Variants in RHOQ observed in about 807,000 individuals in gnomAD.
RHOQ encodes ras homolog family member Q.
A neutral mutation model predicts 25.8 loss-of-function variants in RHOQ; 7 were observed. The ratio of observed to expected loss-of-function variants is 0.27; its 90% CI spans 0.15 to 0.51. The LOEUF (loss-of-function observed/expected upper bound fraction) is 0.51, where lower values mean the gene tolerates loss of function less well. Ranked by LOEUF, RHOQ falls within the 20% of genes least tolerant of loss-of-function variation. RHOQ has a pLI of 0.97. For missense variants in RHOQ, 165 were observed against 260.6 expected, an observed-to-expected ratio of 0.63 and a Z score of 2.53; for synonymous variants, 97 against 98.6, an observed-to-expected ratio of 0.98 and a Z score of 0.10.
chr2:46,543,610 C>T, intron 1 of RHOQ, 144 bp from the exon 2 acceptor site: 1 of 705,462 alleles, frequency 1.4e-6, no homozygotes. Context: ...GCTGGCCGCA[C>T]GGGAAAAGGG....
At chr2:46,579,439 T>G (rs1284140450) in intron 4 of RHOQ, among the ~76,000 whole-genome samples, 1 of 152,174 alleles carries the variant, frequency 6.6e-6, no homozygotes, top group East Asian at 1.9e-4. Context: ...AATTCTCAAT[T>G]TGGTTATCCA....
At chr2:46,571,792 C>T (rs1668923288) in intron 2 of RHOQ, among the ~76,000 whole-genome samples, 1 of 152,194 alleles carries the variant, frequency 6.6e-6, no homozygotes, top group Admixed American at 6.5e-5. Context: ...CAAGGTAAAT[C>T]GTCCAATGTG....
chr2:46,581,388 G>C lies in RHOQ; in HGVS notation c.*305G>C. 1 of 1,524,598 alleles carries C rather than the reference G, an allele frequency of 6.6e-7. No homozygotes were observed. Among genetic ancestry groups the C allele is most frequent in the Non-Finnish European group, 8.8e-7 (1 of 1,132,432 alleles). 94.4% of individuals were successfully genotyped at this position (1,524,598 alleles called of 1,614,324 possible). A position where few individuals can be genotyped will look rare whatever the true frequency, so the allele number is the denominator to read the frequency against. ...ATGTTGTAACTACGTAAAAAACAGA[G>C]CTGTAAATGGAACTGCTTGGCTTTG... is the stretch of plus-strand genomic sequence containing the variant. On this transcript the variant is annotated 3_prime_UTR_variant, in exon 5 of 5. Transcript: ENST00000238738.
At chr2:46,564,418 C>T (rs1007622207) in intron 2 of RHOQ, among the ~76,000 whole-genome samples, 8 of 152,222 alleles carry the variant, frequency 5.3e-5, no homozygotes, top group African/African-American at 1.9e-4. Context: ...TCATCTCCTC[C>T]TCAGAAATTG....
At chr2:46,546,023 T>TTGGTGTTTTTCCCAG (rs1276326544) in intron 2 of RHOQ, among the ~76,000 whole-genome samples, 10 of 152,166 alleles carry the variant, frequency 6.6e-5, no homozygotes, top group Non-Finnish European at 1.5e-4. Flanking sequence ...TTAGGCCCCA[T>TTGGTGTTTTTCCCAG]TGGTGTTTTT....
chr2:46,546,910 G>A (rs919109077), intron 2 of RHOQ, among the ~76,000 whole-genome samples: 2 of 152,086 alleles, frequency 1.3e-5, no homozygotes, highest in African/African-American at 4.8e-5. Context: ...TTCAACCAAG[G>A]TGTGCAACAG....
intron 2 of RHOQ, among the ~76,000 whole-genome samples, chr2:46,553,590 T>A (rs906014505): frequency 8.5e-5 from 13 of 152,154 alleles, no homozygotes; most frequent in African/African-American, 2.9e-4. Flanking sequence ...CGAACTTTTT[T>A]TTTTTTTTGA....
intron 2 of RHOQ, among the ~76,000 whole-genome samples, chr2:46,562,882 G>T (rs986617356): frequency 2.0e-5 from 3 of 152,132 alleles, no homozygotes; most frequent in African/African-American, 7.2e-5. Flanking sequence ...TTCACATTCA[G>T]TTCTCATTTT....
Position 46,555,091 on chromosome 2 carries a change from C to G in RHOQ, c.201+11279C>G, listed in dbSNP as rs1480139504. Among the ~76,000 whole-genome samples, 1 of 152,236 alleles carries G rather than the reference C, an allele frequency of 6.6e-6. No individual in the cohort carries two copies. Among genetic ancestry groups the G allele is most frequent in the Admixed American group, 6.5e-5 (1 of 15,280 alleles). ...GGGACAGAGCAGGCAGATGGGGGCT[C>G]TGCTTCCTTCGGACAGGGACTTCGT... On this transcript the variant is annotated intron_variant, in intron 2 of 4. Coordinates refer to ENST00000238738, the MANE Select transcript of RHOQ (RefSeq NM_012249.4). The surrounding 1 kb of genome is among the most constrained non-coding windows in gnomAD (Gnocchi z 4.3).
rs576791428 is a variant in RHOQ, at chr2:46,583,274, C to T, written c.*2191C>T. ...CAGATTAGGAATTTGTCTACACAAA[C>T]TGGTGTCACCTGTTTCTTGACTGGG... On this transcript the variant is annotated 3_prime_UTR_variant, in exon 5 of 5. Coordinates refer to ENST00000238738, the MANE Select transcript of RHOQ (RefSeq NM_012249.4). Among the ~76,000 whole-genome samples, 231 of 152,256 alleles carry T rather than the reference C, an allele frequency of 1.5e-3. No individual in the cohort carries two copies. In the Middle Eastern group the frequency reaches 0.02, roughly 13 times the overall value.
chr2:46,564,970 C>G (rs1668686606), intron 2 of RHOQ, among the ~76,000 whole-genome samples: 1 of 152,238 alleles, frequency 6.6e-6, no homozygotes, highest in Non-Finnish European at 1.5e-5. Flanking sequence ...CCTGAATAAT[C>G]TCCATGAGCT....
At chr2:46,554,383 G>A (rs1052057116) in intron 2 of RHOQ, among the ~76,000 whole-genome samples, 2 of 152,132 alleles carry the variant, frequency 1.3e-5, no homozygotes, top group Admixed American at 6.6e-5. Context: ...AGGGCTGTGC[G>A]CCCAGTAGGC....
At chr2:46,575,129 C>A (rs546040934) in intron 2 of RHOQ, among the ~76,000 whole-genome samples, 1 of 152,116 alleles carries the variant, frequency 6.6e-6, no homozygotes, top group Non-Finnish European at 1.5e-5. Context: ...TATAGCTGTT[C>A]TGGGGACTCT....
At chr2:46,560,872 G>A (rs1047747187) in intron 2 of RHOQ, among the ~76,000 whole-genome samples, 1 of 152,062 alleles carries the variant, frequency 6.6e-6, no homozygotes, top group Non-Finnish European at 1.5e-5. Context: ...GTTTTGAAGT[G>A]TCTCAGTCAT....
rs192341541 is a variant in RHOQ at position 46,566,136 on chromosome 2, C to T, written c.202-9951C>T. Among the ~76,000 whole-genome samples, 93 of 152,248 alleles carry T rather than the reference C, an allele frequency of 6.1e-4. No homozygotes were observed. The highest frequency in any genetic ancestry group is 2.2e-3 in the African/African-American group (90 of 41,534). ...AACTTTCAGGTTTCTGGCTTGTGCA[C>T]CCTGATTGAGTGGTGATATCTTCTA... On this transcript the variant is annotated intron_variant, in intron 2 of 4. Transcript: ENST00000238738. This position sits in a 1 kb window ranked among gnomAD's most constrained non-coding sequence, Gnocchi z 4.2.
chr2:46,559,929 G>T (rs575850754), intron 2 of RHOQ, among the ~76,000 whole-genome samples: 1 of 152,342 alleles, frequency 6.6e-6, no homozygotes, highest in Non-Finnish European at 1.5e-5. Flanking sequence ...GTGGCCTTGT[G>T]TGCTTCGACT....
At chr2:46,571,055 G>T (rs1668897857) in intron 2 of RHOQ, among the ~76,000 whole-genome samples, 1 of 152,206 alleles carries the variant, frequency 6.6e-6, no homozygotes, top group African/African-American at 2.4e-5. Context: ...TAAGGGACTG[G>T]ACTAAAGTCG....
intron 4 of RHOQ, chr2:46,580,708 T>C (rs1203443081): frequency 5.2e-6 from 2 of 387,856 alleles, no homozygotes; most frequent in East Asian, 4.0e-5. Context: ...ATATAGTAGA[T>C]ACCCAGTAAA....
chr2:46,581,924 AT>A lies in RHOQ; in HGVS notation c.*853del, dbSNP rs547692447. ...ATTTAGCTCTCTGAACTAGTTGGTA[AT>A]TTTTTTTTTTTAATTCCCACTTTGG... On this transcript the variant is annotated 3_prime_UTR_variant, in exon 5 of 5. Transcript: ENST00000238738. 0.021 allele frequency: 3,825 copies of A among 180,826 alleles called. No homozygotes were observed. Among genetic ancestry groups the A allele is most frequent in the South Asian group, 0.062 (611 of 9,900 alleles). The allele number at this position is 180,826 out of a possible 1,614,324, so 11.2% of individuals were successfully genotyped here. A position where few individuals can be genotyped will look rare whatever the true frequency, so the allele number is the denominator to read the frequency against.
Sources: allele counts gnomAD v4.1 joint callset (sites outside exome capture counted in the v4.1 genomes callset), GRCh38; gene constraint gnomAD v4.1.1; non-coding constraint Gnocchi (gnomAD v3.1); transcripts MANE v1.5; gene names NCBI Gene and HGNC (gene_info 2026-07-23, HGNC 2026-07-21).